The following MACROD2 variants were observed in gnomAD, a reference collection of about 807,000 sequenced individuals.
MACROD2 encodes the protein mono-ADP ribosylhydrolase 2.
Under a neutral mutation model 70.4 loss-of-function variants are expected in MACROD2, and 36 were observed. The ratio of observed to expected loss-of-function variants is 0.51; its 90% confidence interval spans 0.39 to 0.68. The LOEUF is 0.68. Ranked by LOEUF, MACROD2 falls within the 30% of genes least tolerant of loss-of-function variation. MACROD2 has a pLI of 0.00. For missense variants in MACROD2, 496 were observed against 538.4 expected (o/e 0.92, Z 0.78); for synonymous variants, 172 against 178.8 (o/e 0.96, Z 0.30).
chr20:15,445,448 A>G (rs940029430), intron 7 of MACROD2, among the ~76,000 whole-genome samples: 1 of 152,200 alleles, frequency 6.6e-6, no homozygotes, highest in Non-Finnish European at 1.5e-5. Flanking sequence ...AATAAATACA[A>G]GCTTTCCATA....
At chr20:15,225,557 G>A (rs1429669743) in intron 5 of MACROD2, among the ~76,000 whole-genome samples, 3 of 152,036 alleles carry the variant, frequency 2.0e-5, no homozygotes, top group African/African-American at 4.8e-5. Context: ...TATGCATGTA[G>A]CTAAAACAAA....
At chr20:14,231,003 T>C (rs1427032269) in intron 3 of MACROD2, among the ~76,000 whole-genome samples, 2 of 151,742 alleles carry the variant, frequency 1.3e-5, no homozygotes, top group South Asian at 2.1e-4. Flanking sequence ...TTTTTTTTTT[T>C]CTGAGCAGTA....
intron 8 of MACROD2, among the ~76,000 whole-genome samples, chr20:15,543,717 A>G (rs370720903): frequency 6.6e-6 from 1 of 152,196 alleles, no homozygotes; most frequent in Non-Finnish European, 1.5e-5. Context: ...ATGTGAATCT[A>G]TGGGACTATA....
At chr20:14,943,424 C>A (rs2074406195) in intron 5 of MACROD2, among the ~76,000 whole-genome samples, 1 of 151,492 alleles carries the variant, frequency 6.6e-6, no homozygotes, top group Non-Finnish European at 1.5e-5. Flanking sequence ...AAAAGCAAGG[C>A]TTTTTAATTT....
chr20:14,807,774 G>C (rs570049421), intron 5 of MACROD2, among the ~76,000 whole-genome samples: 18 of 152,152 alleles, frequency 1.2e-4, no homozygotes, highest in Non-Finnish European at 2.9e-5. Context: ...GAAAAACACA[G>C]CACAAGAACT....
At chr20:14,787,670 C>T (rs1547000) in intron 5 of MACROD2, among the ~76,000 whole-genome samples, 4,477 of 152,126 alleles carry the variant, frequency 0.029, 193 homozygotes, top group East Asian at 0.11. Context: ...CTTTTCATGC[C>T]GGGGAAGCCA....
intron 8 of MACROD2, among the ~76,000 whole-genome samples, chr20:15,732,424 C>T (rs911326800): frequency 2.6e-5 from 4 of 152,176 alleles, no homozygotes; most frequent in Non-Finnish European, 5.9e-5. Context: ...GCTCCTTGCA[C>T]AAGAATCAAT....
At chr20:15,421,631 A>G (rs911098761) in intron 6 of MACROD2, among the ~76,000 whole-genome samples, 1 of 152,244 alleles carries the variant, frequency 6.6e-6, no homozygotes, top group South Asian at 2.1e-4. Flanking sequence ...TCCAATTTGT[A>G]TAGAAGAAAA....
chr20:14,090,654 C>G (rs2054136151), intron 3 of MACROD2, among the ~76,000 whole-genome samples: 3 of 151,924 alleles, frequency 2.0e-5, no homozygotes, highest in Middle Eastern at 6.9e-3. Context: ...TTTTCCATCT[C>G]TAAGGTTTTA....
chr20:14,668,726 T>C (rs898798344), intron 4 of MACROD2, among the ~76,000 whole-genome samples: 13 of 152,170 alleles, frequency 8.5e-5, no homozygotes, highest in Non-Finnish European at 1.8e-4. Context: ...TCAGTATAGA[T>C]TAAAATTTTT....
At chr20:15,725,883 T>C (rs2050854054) in intron 8 of MACROD2, among the ~76,000 whole-genome samples, 1 of 152,074 alleles carries the variant, frequency 6.6e-6, no homozygotes, top group African/African-American at 2.4e-5. Flanking sequence ...TGCAGGAACA[T>C]CTGCGGGTTT....
intron 5 of MACROD2, among the ~76,000 whole-genome samples, chr20:14,778,651 A>G (rs1433962686): frequency 6.6e-6 from 1 of 152,116 alleles, no homozygotes; most frequent in Non-Finnish European, 1.5e-5. Context: ...CATCGGAGCC[A>G]TCAAATTATA....
chr20:14,709,996 T>C (rs1018535111), intron 5 of MACROD2, among the ~76,000 whole-genome samples: 2 of 152,196 alleles, frequency 1.3e-5, no homozygotes, highest in Non-Finnish European at 1.5e-5. Context: ...GTATTTATTT[T>C]TATTTATATA....
At chr20:14,578,253 A>G (rs1230477193) in intron 4 of MACROD2, among the ~76,000 whole-genome samples, 1 of 151,792 alleles carries the variant, frequency 6.6e-6, no homozygotes, top group Non-Finnish European at 1.5e-5. Context: ...ACATAAAAAT[A>G]ATAAATATAA....
chr20:14,895,342 G>A (rs1568860088), intron 5 of MACROD2: 1 of 152,150 alleles, frequency 6.6e-6, no homozygotes, highest in Non-Finnish European at 1.5e-5. Context: ...CCAGATTAAG[G>A]GTTAAGAATT....
intron 8 of MACROD2, among the ~76,000 whole-genome samples, chr20:15,849,702 G>A (rs916220748): frequency 6.6e-6 from 1 of 152,114 alleles, no homozygotes; most frequent in Non-Finnish European, 1.5e-5. Flanking sequence ...ATTAACTTTT[G>A]TCTCTGAACC....
intron 12 of MACROD2, among the ~76,000 whole-genome samples, chr20:15,945,968 A>G (rs2147351692): frequency 6.6e-6 from 1 of 152,294 alleles, no homozygotes. Context: ...CAAGGTGAGC[A>G]GGGATTGGAA....
rs189948688 is a variant in MACROD2 at position 15,538,142 on chromosome 20, C to T, written c.645+38295C>T. On this transcript the variant is annotated intron_variant, in intron 8 of 17. Transcript: ENST00000684519. ...TATAGGGAACTATTGCAGTTTTCCA[C>T]GAAGGAAAAAGAAAAACAACTTAAA... 1.9e-4 allele frequency among the ~76,000 whole-genome samples: 29 copies of T among 152,048 alleles called. No homozygotes were observed. The East Asian group carries it at 2.9e-3, about 15-fold the overall frequency.
At chr20:14,741,524 G>T (rs1028230976) in intron 5 of MACROD2, among the ~76,000 whole-genome samples, 2 of 151,906 alleles carry the variant, frequency 1.3e-5, no homozygotes, top group Non-Finnish European at 2.9e-5. Flanking sequence ...TAACTTGTTA[G>T]GTAATTTAAT....
Sources: allele counts gnomAD v4.1 joint callset (sites outside exome capture counted in the v4.1 genomes callset), GRCh38; gene constraint gnomAD v4.1.1; transcripts MANE v1.5; gene names NCBI Gene and HGNC (gene_info 2026-07-23, HGNC 2026-07-21).